Variants in TMEM178A observed in about 807,000 individuals in gnomAD.
TMEM178A encodes the protein transmembrane protein 178.
In TMEM178A, 12 loss-of-function variants were observed where a neutral mutation model predicts 29.1. That is an observed-to-expected ratio of 0.41 (90% CI 0.26 to 0.67). TMEM178A has a LOEUF of 0.67. Ranked by LOEUF, TMEM178A falls within the 30% of genes least tolerant of loss-of-function variation. The pLI is 0.29. For missense variants in TMEM178A, 366 were observed against 419.1 expected (o/e 0.87, Z 1.11); for synonymous variants, 210 against 187.2 (o/e 1.12, Z -0.99).
intron 1 of TMEM178A, among the ~76,000 whole-genome samples, chr2:39,687,745 G>T (rs993437170): frequency 1.3e-5 from 2 of 152,236 alleles, no homozygotes; most frequent in Non-Finnish European, 2.9e-5. Flanking sequence ...GAAATGTACA[G>T]ATTGATATGA....
the TMEM178A span, among the ~76,000 whole-genome samples, chr2:39,724,540 G>A: frequency 6.6e-6 from 1 of 152,142 alleles, no homozygotes; most frequent in South Asian, 2.1e-4. Flanking sequence ...AAAACCATCT[G>A]ATGTGGAGTC....
chr2:39,721,985 CAAAAAAAAAAAAAAAAA>C (rs57605942), downstream of TMEM178A, among the ~76,000 whole-genome samples: 2 of 40,074 alleles, frequency 5.0e-5, no homozygotes, highest in African/African-American at 9.8e-5. Context: ...AGACCAGTCT[CAAAAAAAAAAAAAAAAA>C]AAAAAAAAAA....
rs570378783 is a variant in TMEM178A at position 39,694,603 on chromosome 2, A to G, written c.401-9478A>G. ...CTCCCCTCTCCAGGATGGAAGCCAC[A>G]TGAGACTATTGAGCATTTGAAATGA... On this transcript the variant is annotated intron_variant, in intron 1 of 3. Transcript: ENST00000281961. 6.6e-5 allele frequency among the ~76,000 whole-genome samples: 10 copies of G among 152,286 alleles called. No homozygotes were observed. In the South Asian group the frequency reaches 1.7e-3, roughly 25 times the overall value.
intron 1 of TMEM178A, among the ~76,000 whole-genome samples, chr2:39,690,057 G>A (rs1671247238): frequency 6.6e-6 from 1 of 152,156 alleles, no homozygotes; most frequent in Non-Finnish European, 1.5e-5. Context: ...GCTCGCTTCT[G>A]CCTTGCCCCA....
chr2:39,711,243 AT>A (rs1672287935), intron 3 of TMEM178A, among the ~76,000 whole-genome samples: 1 of 152,212 alleles, frequency 6.6e-6, no homozygotes, highest in African/African-American at 2.4e-5. Context: ...GTGAATGAAT[AT>A]TTCCACCTAC....
chr2:39,688,964 T>C (rs542144724), intron 1 of TMEM178A, among the ~76,000 whole-genome samples: 1 of 152,306 alleles, frequency 6.6e-6, no homozygotes, highest in South Asian at 2.1e-4. Flanking sequence ...GTATCAAATA[T>C]GTTTAAATTT....
chr2:39,724,912 T>C, the TMEM178A span, among the ~76,000 whole-genome samples: 1 of 152,198 alleles, frequency 6.6e-6, no homozygotes, highest in Admixed American at 6.5e-5. Context: ...GTGGTGACGA[T>C]GGTAAATCGC....
intron 1 of TMEM178A, among the ~76,000 whole-genome samples, chr2:39,689,536 G>A (rs1310909963): frequency 1.3e-5 from 2 of 152,182 alleles, no homozygotes; most frequent in African/African-American, 4.8e-5. Context: ...TGATTGACAT[G>A]GAAATAGAAT....
At chr2:39,667,156 A>T (rs1670203878) in intron 1 of TMEM178A, among the ~76,000 whole-genome samples, 1 of 152,068 alleles carries the variant, frequency 6.6e-6, no homozygotes, top group Non-Finnish European at 1.5e-5. Context: ...TCGCCCTTTA[A>T]ACTAGAGCTT....
intron 1 of TMEM178A, among the ~76,000 whole-genome samples, chr2:39,695,346 T>C (rs984901051): frequency 6.6e-6 from 1 of 151,378 alleles, no homozygotes; most frequent in Non-Finnish European, 1.5e-5. Context: ...ACCTCTTAAA[T>C]GTTGTAATCC....
At chr2:39,725,326 A>G in the TMEM178A span, among the ~76,000 whole-genome samples, 1 of 152,356 alleles carries the variant, frequency 6.6e-6, no homozygotes, top group Non-Finnish European at 1.5e-5. Flanking sequence ...TAAAGCAATT[A>G]GCCTGTGGGT....
At chr2:39,665,839 G>C, upstream of TMEM178A, 1 of 843,430 alleles carries the variant, frequency 1.2e-6, no homozygotes, top group Middle Eastern at 3.9e-4. Context: ...GGGCTCGCAG[G>C]GCGAGGAGGC....
intron 3 of TMEM178A, among the ~76,000 whole-genome samples, chr2:39,713,774 G>A (rs139083296): frequency 6.6e-6 from 1 of 152,332 alleles, no homozygotes; most frequent in African/African-American, 2.4e-5. Context: ...AGACATGTAT[G>A]TGGAACCTGA....
At chr2:39,675,678 C>T (rs1670586428) in intron 1 of TMEM178A, among the ~76,000 whole-genome samples, 1 of 152,108 alleles carries the variant, frequency 6.6e-6, no homozygotes, top group Admixed American at 6.6e-5. Flanking sequence ...TTTTCACATT[C>T]TTCTGGCTGT....
intron 3 of TMEM178A, among the ~76,000 whole-genome samples, chr2:39,715,813 C>G (rs1184405635): frequency 6.6e-6 from 1 of 152,160 alleles, no homozygotes; most frequent in Non-Finnish European, 1.5e-5. Context: ...TTTATTTCCT[C>G]CAAATTGCTG....
downstream of TMEM178A, among the ~76,000 whole-genome samples, chr2:39,719,520 T>C (rs1672662600): frequency 6.6e-6 from 1 of 152,220 alleles, no homozygotes; most frequent in Admixed American, 6.5e-5. Flanking sequence ...CAGGCCAAGG[T>C]TCCTCGCTTT....
At chr2:39,709,761 A>G (rs1172962557) in intron 3 of TMEM178A, among the ~76,000 whole-genome samples, 4 of 152,232 alleles carry the variant, frequency 2.6e-5, no homozygotes, top group African/African-American at 9.6e-5. Context: ...GAAAGGCCCC[A>G]TAACACTCCC....
At chr2:39,669,612 C>T (rs993449860) in intron 1 of TMEM178A, among the ~76,000 whole-genome samples, 2 of 152,186 alleles carry the variant, frequency 1.3e-5, no homozygotes, top group Non-Finnish European at 2.9e-5. Flanking sequence ...TTAGCCAGAA[C>T]CTTCAGAAAG....
chr2:39,697,368 T>C (rs552152275), intron 1 of TMEM178A, among the ~76,000 whole-genome samples: 3 of 152,332 alleles, frequency 2.0e-5, no homozygotes, highest in South Asian at 2.1e-4. Flanking sequence ...GGAACAAGTG[T>C]TTAAGAACAA....
Sources: allele counts gnomAD v4.1 joint callset (sites outside exome capture counted in the v4.1 genomes callset), GRCh38; gene constraint gnomAD v4.1.1; transcripts MANE v1.5; gene names NCBI Gene and HGNC (gene_info 2026-07-23, HGNC 2026-07-21).